Variants in SLC35F1 observed in about 807,000 individuals in gnomAD.
SLC35F1 encodes solute carrier family 35 member F1, also known as chromosome 6 open reading frame 169.
SLC35F1 carries 14 observed loss-of-function variants against 48.7 expected under a neutral mutation model. The ratio of observed to expected loss-of-function variants is 0.29; its 90% confidence interval spans 0.19 to 0.45. The LOEUF (loss-of-function observed/expected upper bound fraction) is 0.45, where lower values mean the gene tolerates loss of function less well. Ranked by LOEUF, SLC35F1 falls within the 20% of genes least tolerant of loss-of-function variation. The probability of loss-of-function intolerance (pLI) is 1.00; values close to 1 mark genes in which losing one functional copy is unlikely to be tolerated. For synonymous variants in SLC35F1, 190 were observed against 202.2 expected, an observed-to-expected ratio of 0.94 and a Z score of 0.51; for missense variants, 404 against 500.0, an observed-to-expected ratio of 0.81 and a Z score of 1.83.
At chr6:117,938,090 A>C (rs1198970210) in intron 1 of SLC35F1, among the ~76,000 whole-genome samples, 1 of 152,198 alleles carries the variant, frequency 6.6e-6, no homozygotes, top group Non-Finnish European at 1.5e-5. Context: ...GGCCTTAGGC[A>C]ACAGGTCTAA....
At chr6:118,220,620 C>G (rs905714744) in intron 2 of SLC35F1, among the ~76,000 whole-genome samples, 1 of 152,156 alleles carries the variant, frequency 6.6e-6, no homozygotes, top group Non-Finnish European at 1.5e-5. Flanking sequence ...GAGCCCCAGC[C>G]CAGACCTACT....
At chr6:118,265,007 C>T (rs1775754527) in intron 3 of SLC35F1, among the ~76,000 whole-genome samples, 1 of 152,252 alleles carries the variant, frequency 6.6e-6, no homozygotes, top group Admixed American at 6.5e-5. Context: ...CAGCCCCCAG[C>T]CATCACAGTG....
chr6:118,250,474 T>C (rs1775558927), intron 3 of SLC35F1, among the ~76,000 whole-genome samples: 1 of 152,070 alleles, frequency 6.6e-6, no homozygotes, highest in African/African-American at 2.4e-5. Flanking sequence ...AAGAGAAAAA[T>C]TCCTGCGCTT....
chr6:118,010,773 G>A (rs1027430025), intron 1 of SLC35F1, among the ~76,000 whole-genome samples: 8 of 152,182 alleles, frequency 5.3e-5, no homozygotes, highest in African/African-American at 1.7e-4. Context: ...CCATTGCGAA[G>A]TGAGTAGACA....
intron 1 of SLC35F1, among the ~76,000 whole-genome samples, chr6:118,129,625 AGGG>A (rs1773680923): frequency 6.6e-6 from 1 of 151,994 alleles, no homozygotes; most frequent in Non-Finnish European, 1.5e-5. Context: ...GGTAGATTCG[AGGG>A]ATGTTATGGA....
chr6:117,950,331 C>T (rs1378679420), intron 1 of SLC35F1, among the ~76,000 whole-genome samples: 4 of 152,114 alleles, frequency 2.6e-5, no homozygotes, highest in East Asian at 1.9e-4. Context: ...AATAATATCC[C>T]AGAATGCATA....
intron 1 of SLC35F1, among the ~76,000 whole-genome samples, chr6:118,128,814 T>TAAAA: frequency 6.6e-6 from 1 of 151,218 alleles, no homozygotes; most frequent in South Asian, 2.1e-4. Context: ...AGTATAATAA[T>TAAAA]AAAAATAAAT....
intron 1 of SLC35F1, among the ~76,000 whole-genome samples, chr6:118,025,876 AAT>A (rs1771928344): frequency 6.6e-6 from 1 of 152,190 alleles, no homozygotes; most frequent in African/African-American, 2.4e-5. Context: ...CTTGAAATAA[AAT>A]AGAGGTCAGT....
chr6:118,032,294 C>T (rs774291954), intron 1 of SLC35F1, among the ~76,000 whole-genome samples: 69 of 152,092 alleles, frequency 4.5e-4, no homozygotes, highest in Non-Finnish European at 4.0e-4. Context: ...GGCACGAGAA[C>T]AGGGTCCGTT....
intron 5 of SLC35F1, among the ~76,000 whole-genome samples, chr6:118,275,987 A>G (rs1043589598): frequency 2.6e-5 from 4 of 152,214 alleles, no homozygotes; most frequent in Admixed American, 2.6e-4. Context: ...TCTACTAGTG[A>G]CAACCACCAA....
Position 118,277,540 on chromosome 6 carries a change from C to G in SLC35F1, c.841C>G (p.Gln281Glu), listed in dbSNP as rs1488575200. The change falls in exon 6 of 8, where the codon CAA becomes GAA. Residue 281 changes from glutamine to glutamate, a missense_variant. Around this residue, in one of 2 missense-constraint regions of SLC35F1, gnomAD observed 306 missense variants for 419.1 expected, o/e 0.73. Transcript: ENST00000360388. Reference sequence around the variant, plus strand: ...ACTGTTGAAGGTGCCCTGGGACTGGCAAATAGGTAAGGAGTTGGCTCACAT... The same window carrying G: ...ACTGTTGAAGGTGCCCTGGGACTGGGAAATAGGTAAGGAGTTGGCTCACAT... ...KELLKVPWDW[Q>E]IGLLYVGFSA... 4 of 1,613,714 alleles carry G rather than the reference C, an allele frequency of 2.5e-6. No homozygotes were observed. The highest frequency in any genetic ancestry group is 3.4e-6 in the Non-Finnish European group (4 of 1,179,724).
At chr6:118,115,153 C>T (rs1773459780) in intron 1 of SLC35F1, among the ~76,000 whole-genome samples, 1 of 152,154 alleles carries the variant, frequency 6.6e-6, no homozygotes. Flanking sequence ...ATTCCTCTTC[C>T]ATGAGCTTGT....
intron 1 of SLC35F1, among the ~76,000 whole-genome samples, chr6:117,977,451 T>C (rs965371933): frequency 2.0e-5 from 3 of 152,172 alleles, no homozygotes; most frequent in Non-Finnish European, 4.4e-5. Context: ...AAATAGCTAA[T>C]TTGATACATG....
intron 1 of SLC35F1, among the ~76,000 whole-genome samples, chr6:118,101,374 C>A (rs542820896): frequency 1.3e-5 from 2 of 152,266 alleles, no homozygotes; most frequent in African/African-American, 2.4e-5. Context: ...GAATTGAAGG[C>A]CACAGAACTC....
rs1311369629 is a variant in SLC35F1 at position 118,297,639 on chromosome 6, A to ATATATATATATAT, written c.1002+12301_1002+12302insTATATATATATAT. On this transcript the variant is annotated intron_variant, in intron 7 of 7. Transcript: ENST00000360388. ...CTCAGAACTTATATATATATATATA[A>ATATATATATATAT]AAAATATATATATAATATATATAAT... 4.4e-4 allele frequency among the ~76,000 whole-genome samples: 53 copies of ATATATATATATAT among 120,868 alleles called. 1 individual carries two copies. The highest frequency in any genetic ancestry group is 1.9e-3 in the African/African-American group (53 of 27,512). The allele number at this position is 120,868 out of a possible 152,430, so 79.3% of individuals were successfully genotyped here. A position where few individuals can be genotyped will look rare whatever the true frequency, so the allele number is the denominator to read the frequency against.
intron 3 of SLC35F1, among the ~76,000 whole-genome samples, chr6:118,266,592 C>T (rs982058880): frequency 3.3e-5 from 5 of 152,068 alleles, no homozygotes; most frequent in African/African-American, 1.2e-4. Flanking sequence ...CTCCCATTCC[C>T]GGATCTACTC....
At chr6:118,074,532 T>A (rs1390359124) in intron 1 of SLC35F1, among the ~76,000 whole-genome samples, 1 of 152,234 alleles carries the variant, frequency 6.6e-6, no homozygotes, top group Non-Finnish European at 1.5e-5. Flanking sequence ...TGCGGTTGTA[T>A]GACATTCTCA....
rs1775699346 is a variant in SLC35F1 at position 118,260,545 on chromosome 6, C to T, written c.478-6450C>T. Among the ~76,000 whole-genome samples, 5 of 152,024 alleles carry T rather than the reference C, an allele frequency of 3.3e-5. No homozygotes were observed. The South Asian group carries it at 8.3e-4, about 25-fold the overall frequency. On this transcript the variant is annotated intron_variant, in intron 3 of 7. Coordinates refer to ENST00000360388, the MANE Select transcript of SLC35F1 (RefSeq NM_001029858.4). ...AGGGACAGTTTTATCTACCTTATCA[C>T]AAAGCCTGGCTATGCCCATATAAAG...
chr6:118,218,068 A>C (rs1775098614), intron 2 of SLC35F1, among the ~76,000 whole-genome samples: 1 of 152,092 alleles, frequency 6.6e-6, no homozygotes, highest in African/African-American at 2.4e-5. Context: ...AAGTCTTGGG[A>C]TTTTGATTCA....
Sources: gnomAD v4.1 joint callset for allele counts (sites outside exome capture counted in the v4.1 genomes callset) on GRCh38, gnomAD v4.1.1 for gene constraint, gnomAD v4.1.1 regional missense constraint, MANE v1.5 for transcripts, NCBI Gene and HGNC (gene_info 2026-07-23, HGNC 2026-07-21) for gene names.